NCKAP5: variants seen among roughly 807,000 people sequenced by gnomAD.
NCKAP5 encodes the protein nck-associated protein 5.
In NCKAP5, 92 loss-of-function variants were observed where a neutral mutation model predicts 167.0. The observed-to-expected ratio is 0.55, with a 90% CI of 0.47 to 0.66. The LOEUF (loss-of-function observed/expected upper bound fraction) is 0.66. NCKAP5 is among the 30% of genes least tolerant of loss of function. The probability of loss-of-function intolerance (pLI) is 0.00; values close to 1 mark genes in which losing one functional copy is unlikely to be tolerated. For synonymous variants in NCKAP5, 891 were observed against 877.4 expected (o/e 1.02, Z -0.27); for missense variants, 2,378 against 2,315.0 (o/e 1.03, Z -0.56).
intron 16 of NCKAP5, among the ~76,000 whole-genome samples, chr2:132,764,005 T>C (rs762471142): frequency 6.6e-5 from 10 of 152,178 alleles, no homozygotes; most frequent in Non-Finnish European, 4.4e-5. Context: ...AAAAAATATT[T>C]TACAGGAGTG....
intron 4 of NCKAP5, among the ~76,000 whole-genome samples, chr2:133,253,095 A>G (rs1451640911): frequency 6.6e-6 from 1 of 152,228 alleles, no homozygotes; most frequent in African/African-American, 2.4e-5. Flanking sequence ...GTGAATAACC[A>G]TAACAGAGTT....
intron 4 of NCKAP5, among the ~76,000 whole-genome samples, chr2:133,251,305 CCT>C (rs2088309959): frequency 6.6e-6 from 1 of 152,128 alleles, no homozygotes; most frequent in Non-Finnish European, 1.5e-5. Context: ...GAACCAATCC[CCT>C]GAGCACAGTG....
intron 7 of NCKAP5, among the ~76,000 whole-genome samples, chr2:132,993,098 A>C (rs1207910776): frequency 2.0e-5 from 3 of 152,214 alleles, no homozygotes; most frequent in African/African-American, 7.2e-5. Context: ...ACATTATGCT[A>C]ATCAGCTGGG....
At position 132,731,895 on chromosome 2, in the gene NCKAP5, G is replaced by C; in HGVS notation, c.5285C>G (p.Ser1762Cys). The C allele has an allele frequency of 1.2e-6, 2 of 1,613,930 alleles. No homozygotes were observed. The highest frequency in any genetic ancestry group is 1.7e-6 in the Non-Finnish European group (2 of 1,179,880). Residue 1762 changes from serine (S) to cysteine (C), a missense_variant, in exon 17 of 20, where the codon TCT becomes TGT. Around this residue, in one of 3 missense-constraint regions of NCKAP5, gnomAD observed 1,325 missense variants for 1,274.5 expected, o/e 1.04. Transcript: ENST00000409261. Reference protein sequence around the residue: ...LPLQSALSAVSSMRAQTLERE... With the variant: ...LPLQSALSAVCSMRAQTLERE... ...TTCAAGGGTTTGGGCTCTCATGGAA[G>C]AAACTGCAGAAAGGGCTGACTGGAG...
At chr2:133,214,930 C>A (rs766627715) in intron 4 of NCKAP5, among the ~76,000 whole-genome samples, 11 of 152,190 alleles carry the variant, frequency 7.2e-5, no homozygotes, top group Non-Finnish European at 1.3e-4. Flanking sequence ...CTCCTAAGTG[C>A]TTGGATCTTT....
chr2:133,364,853 C>T (rs932178459), intron 3 of NCKAP5, among the ~76,000 whole-genome samples: 1 of 151,834 alleles, frequency 6.6e-6, no homozygotes, highest in Non-Finnish European at 1.5e-5. Context: ...CTCCCAGGCT[C>T]AAGCAATGCA....
intron 3 of NCKAP5, among the ~76,000 whole-genome samples, chr2:133,476,182 C>G (rs1325747895): frequency 6.6e-6 from 1 of 152,190 alleles, no homozygotes; most frequent in Non-Finnish European, 1.5e-5. Context: ...CCTGAAGGGT[C>G]TTTCCTAAGA....
intron 8 of NCKAP5, among the ~76,000 whole-genome samples, chr2:132,881,907 T>G (rs1457686079): frequency 6.8e-6 from 1 of 146,104 alleles, no homozygotes; most frequent in Non-Finnish European, 1.5e-5. Flanking sequence ...ATCAATGATT[T>G]TTAACCAAAT....
At chr2:132,979,790 G>A (rs547475754) in intron 7 of NCKAP5, among the ~76,000 whole-genome samples, 4 of 152,126 alleles carry the variant, frequency 2.6e-5, no homozygotes, top group Admixed American at 1.3e-4. Flanking sequence ...AGACCAACTC[G>A]ACTCCCATCT....
chr2:133,103,341 T>A (rs1386022096), intron 6 of NCKAP5, among the ~76,000 whole-genome samples: 1 of 152,222 alleles, frequency 6.6e-6, no homozygotes, highest in Non-Finnish European at 1.5e-5. Context: ...AGCCACTTGC[T>A]CAAGGTAAAA....
At chr2:133,208,493 C>CA (rs1423805503) in intron 5 of NCKAP5, among the ~76,000 whole-genome samples, 2 of 152,110 alleles carry the variant, frequency 1.3e-5, no homozygotes, top group African/African-American at 4.8e-5. Context: ...ACAAATGCCA[C>CA]AAAAAACCTA....
intron 7 of NCKAP5, among the ~76,000 whole-genome samples, chr2:132,991,110 G>C (rs1359135070): frequency 6.6e-6 from 1 of 152,080 alleles, no homozygotes; most frequent in Non-Finnish European, 1.5e-5. Flanking sequence ...GACTGACCAG[G>C]GTTCAAAACT....
chr2:133,096,344 A>T (rs1360039034), intron 6 of NCKAP5, among the ~76,000 whole-genome samples: 1 of 152,042 alleles, frequency 6.6e-6, no homozygotes, highest in Non-Finnish European at 1.5e-5. Context: ...TACAAGAATT[A>T]GACAGATGTG....
chr2:133,569,591 C>G (rs1688782787), upstream of NCKAP5, among the ~76,000 whole-genome samples: 1 of 152,048 alleles, frequency 6.6e-6, no homozygotes, highest in South Asian at 2.1e-4. Flanking sequence ...GGGGGGTGAG[C>G]ATTGAGGGTG....
At chr2:133,051,248 C>A (rs1255284103) in intron 6 of NCKAP5, among the ~76,000 whole-genome samples, 1 of 152,142 alleles carries the variant, frequency 6.6e-6, no homozygotes, top group Non-Finnish European at 1.5e-5. Context: ...TAATTAAACT[C>A]TTTTTCTTTA....
chr2:133,326,458 C>CAAAAAAAAAAAAAAAAAAAAAAAAAA (rs34750625), intron 3 of NCKAP5, among the ~76,000 whole-genome samples: 1 of 48,984 alleles, frequency 2.0e-5, no homozygotes, highest in Admixed American at 2.5e-4. Flanking sequence ...TCAGTCTCAA[C>CAAAAAAAAAAAAAAAAAAAAAAAAAA]AAAAAAAAAA....
chr2:132,920,743 GTGTA>G (rs1558942975), intron 8 of NCKAP5, among the ~76,000 whole-genome samples: 11 of 68,438 alleles, frequency 1.6e-4, no homozygotes, highest in African/African-American at 9.0e-4. Context: ...GTATATATAT[GTGTA>G]TATATATATG....
chr2:132,714,773 A>T (rs1689199093), intron 19 of NCKAP5: 2 of 428,076 alleles, frequency 4.7e-6, no homozygotes, highest in Non-Finnish European at 9.3e-6. Flanking sequence ...AGATCATGCC[A>T]CTGCACTCCA....
the NCKAP5 span, among the ~76,000 whole-genome samples, chr2:133,596,879 T>C: frequency 6.6e-6 from 1 of 152,182 alleles, no homozygotes; most frequent in Non-Finnish European, 1.5e-5. Context: ...ACCTGAATCA[T>C]CTCAGACCAG....
Sources: allele counts gnomAD v4.1 joint callset (sites outside exome capture counted in the v4.1 genomes callset), GRCh38; gene constraint gnomAD v4.1.1; regional missense constraint gnomAD v4.1.1; transcripts MANE v1.5; gene names NCBI Gene and HGNC (gene_info 2026-07-23, HGNC 2026-07-21).